NRG1: variants seen among roughly 807,000 people sequenced by gnomAD.
NRG1 encodes pro-neuregulin-1, membrane-bound isoform.
Under a neutral mutation model 63.8 loss-of-function variants are expected in NRG1, and 18 were observed. That is an observed-to-expected ratio of 0.28 (90% CI 0.19 to 0.42). The LOEUF (loss-of-function observed/expected upper bound fraction) is 0.42, where lower values mean the gene tolerates loss of function less well. Among genes scored for constraint, NRG1 ranks in the 10% least tolerant of loss-of-function variants. The pLI is 1.00. For synonymous variants in NRG1, 302 were observed against 301.3 expected (o/e 1.00, Z -0.02); for missense variants, 762 against 814.7 (o/e 0.94, Z 0.79).
chr8:32,503,617 T>G (rs1563554134), intron 1 of NRG1, among the ~76,000 whole-genome samples: 1 of 152,138 alleles, frequency 6.6e-6, no homozygotes, highest in Non-Finnish European at 1.5e-5. Flanking sequence ...TAGAATAAAA[T>G]GTATATTTCA....
intron 1 of NRG1, among the ~76,000 whole-genome samples, chr8:31,879,696 G>A (rs774327331): frequency 1.5e-4 from 23 of 151,970 alleles, no homozygotes; most frequent in African/African-American, 2.7e-4. Context: ...TTTCTGCTCC[G>A]CTTCCCTCCT....
At chr8:32,733,134 A>C (rs1824149695) in intron 6 of NRG1, among the ~76,000 whole-genome samples, 1 of 151,900 alleles carries the variant, frequency 6.6e-6, no homozygotes, top group Admixed American at 6.6e-5. Flanking sequence ...TCTTTATTTT[A>C]CTTAAGAGTA....
chr8:32,339,063 C>A (rs946033813), intron 1 of NRG1, among the ~76,000 whole-genome samples: 2 of 151,762 alleles, frequency 1.3e-5, no homozygotes, highest in African/African-American at 4.8e-5. Context: ...AGAGAGGTGG[C>A]CCCTACAAAA....
chr8:31,876,862 CATAA>C (rs1397224328), intron 1 of NRG1, among the ~76,000 whole-genome samples: 1 of 152,122 alleles, frequency 6.6e-6, no homozygotes, highest in Non-Finnish European at 1.5e-5. Context: ...TATACATATA[CATAA>C]ATAAAGTCAA....
At chr8:31,969,602 C>T (rs1487423111) in intron 1 of NRG1, among the ~76,000 whole-genome samples, 4 of 152,170 alleles carry the variant, frequency 2.6e-5, no homozygotes, top group African/African-American at 9.7e-5. Flanking sequence ...CATGGAAGCT[C>T]ATTTTACAAG....
chr8:31,960,149 G>A (rs1472368706), intron 1 of NRG1, among the ~76,000 whole-genome samples: 1 of 152,178 alleles, frequency 6.6e-6, no homozygotes, highest in Non-Finnish European at 1.5e-5. Context: ...GGCAGATTTA[G>A]TAGGATTACT....
chr8:31,688,210 A>G (rs1009215710), intron 1 of NRG1, among the ~76,000 whole-genome samples: 3 of 152,224 alleles, frequency 2.0e-5, no homozygotes, highest in African/African-American at 7.2e-5. Flanking sequence ...CCAGATTTAT[A>G]TGTTGAAACC....
chr8:32,507,629 C>T (rs1296172104), intron 1 of NRG1, among the ~76,000 whole-genome samples: 1 of 152,086 alleles, frequency 6.6e-6, no homozygotes, highest in Non-Finnish European at 1.5e-5. Flanking sequence ...ACATGAGGTG[C>T]CCTTATATAC....
At chr8:32,171,364 G>A (rs1404799060) in intron 1 of NRG1, 1 of 152,162 alleles carries the variant, frequency 6.6e-6, no homozygotes, top group Non-Finnish European at 1.5e-5. Context: ...TGCATGAGAG[G>A]GTGGAGCCAA....
At chr8:32,579,608 C>T (rs1840293378) in intron 1 of NRG1, among the ~76,000 whole-genome samples, 1 of 152,088 alleles carries the variant, frequency 6.6e-6, no homozygotes, top group Admixed American at 6.6e-5. Flanking sequence ...TTTTACCTCA[C>T]TCTGGTTTAT....
At chr8:32,400,165 T>C (rs917633356) in intron 1 of NRG1, among the ~76,000 whole-genome samples, 6 of 152,204 alleles carry the variant, frequency 3.9e-5, no homozygotes, top group African/African-American at 9.6e-5. Flanking sequence ...GAGCCTAAAA[T>C]CTGTAGTATC....
chr8:32,524,980 G>A (rs777911943), intron 1 of NRG1, among the ~76,000 whole-genome samples: 2 of 152,184 alleles, frequency 1.3e-5, no homozygotes, highest in African/African-American at 2.4e-5. Flanking sequence ...TTTCCGTTAA[G>A]TTTTTGCAAA....
intron 5 of NRG1, among the ~76,000 whole-genome samples, chr8:32,671,578 C>T (rs77814537): frequency 0.23 from 34,953 of 152,094 alleles, 4,611 homozygotes; most frequent in East Asian, 0.33. Flanking sequence ...AAATGTTAAG[C>T]AGCATGTATG....
chr8:32,429,125 C>T (rs1020494495), intron 1 of NRG1, among the ~76,000 whole-genome samples: 3 of 151,958 alleles, frequency 2.0e-5, no homozygotes, highest in East Asian at 3.9e-4. Context: ...AAATGAAGTA[C>T]GGTTTTTTTT....
At chr8:32,537,280 C>T (rs1299699341) in intron 1 of NRG1, among the ~76,000 whole-genome samples, 1 of 148,698 alleles carries the variant, frequency 6.7e-6, no homozygotes, top group Non-Finnish European at 1.5e-5. Context: ...TTCCTTTTGC[C>T]TCCTCTTACC....
intron 1 of NRG1, among the ~76,000 whole-genome samples, chr8:32,239,849 C>T (rs1207654584): frequency 6.6e-6 from 1 of 152,026 alleles, no homozygotes; most frequent in African/African-American, 2.4e-5. Context: ...CAAATTAAAA[C>T]AATGAGATAG....
chr8:32,539,311 G>T (rs1832343286), intron 1 of NRG1, among the ~76,000 whole-genome samples: 1 of 152,156 alleles, frequency 6.6e-6, no homozygotes, highest in Non-Finnish European at 1.5e-5. Flanking sequence ...GGGATGGCTG[G>T]GGGTGTGAAC....
chr8:32,420,328 G>T (rs180903374), intron 1 of NRG1, among the ~76,000 whole-genome samples: 144 of 152,236 alleles, frequency 9.5e-4, no homozygotes, highest in African/African-American at 3.1e-3. Flanking sequence ...AGAAAGAAAA[G>T]TTCCAAAAAC....
chr8:31,839,226 G>A (rs1047494540), intron 1 of NRG1, among the ~76,000 whole-genome samples: 1 of 151,780 alleles, frequency 6.6e-6, no homozygotes, highest in Non-Finnish European at 1.5e-5. Context: ...TTCACTATTC[G>A]TTGCCCATTC....
Sources: allele counts gnomAD v4.1 joint callset (sites outside exome capture counted in the v4.1 genomes callset), GRCh38; gene constraint gnomAD v4.1.1; transcripts MANE v1.5; gene names NCBI Gene and HGNC (gene_info 2026-07-23, HGNC 2026-07-21).